The following STYXL1 variants were observed in gnomAD, a reference collection of about 807,000 sequenced individuals.
STYXL1 encodes the protein serine/threonine/tyrosine-interacting-like protein 1.
A neutral mutation model predicts 36.4 loss-of-function variants in STYXL1; 32 were observed. The ratio of observed to expected loss-of-function variants is 0.88; its 90% CI spans 0.66 to 1.18. STYXL1 has a LOEUF of 1.18. STYXL1 is among the 50% of genes most tolerant of loss of function. STYXL1 has a pLI of 0.00. For synonymous variants in STYXL1, 133 were observed against 144.1 expected (o/e 0.92, Z 0.55); for missense variants, 354 against 394.1 (o/e 0.90, Z 0.86).
Position 76,000,914 on chromosome 7 carries a change from C to T in STYXL1, c.786G>A (p.Met262Ile). The change falls in exon 8 of 9, where the codon ATG becomes ATA. Residue 262 changes from methionine (M) to isoleucine (I), a missense_variant. Transcript: ENST00000359697. ...CCTGCAAGGTCTGCTCGTTACTATGCATGAGGTAGGCTATGATGGCGGCAC... is the reference window on the plus strand; with the variant it reads ...CCTGCAAGGTCTGCTCGTTACTATGTATGAGGTAGGCTATGATGGCGGCAC... ...RSCAAIIAYL[M>I]HSNEQTLQRS... The T allele has an allele frequency of 6.2e-7, 1 of 1,614,178 alleles. No homozygotes were observed.
intron 7 of STYXL1, 25 bp from the exon 8 acceptor site, chr7:76,001,027 G>T: frequency 6.3e-7 from 1 of 1,583,308 alleles, no homozygotes; most frequent in Non-Finnish European, 8.7e-7. Flanking sequence ...GGGGGGTTGG[G>T]TCATGCCTGG....
At chr7:76,043,558 A>T (rs1796684754) in intron 1 of STYXL1, among the ~76,000 whole-genome samples, 1 of 152,028 alleles carries the variant, frequency 6.6e-6, no homozygotes, top group Admixed American at 6.6e-5. Flanking sequence ...AAGCAGCAAG[A>T]CTGAGATGGC....
intron 1 of STYXL1, among the ~76,000 whole-genome samples, chr7:76,039,267 G>C (rs1350608778): frequency 2.7e-5 from 4 of 149,066 alleles, no homozygotes; most frequent in Admixed American, 2.6e-4. Flanking sequence ...GTAGAGTCAG[G>C]GTTCCACTAT....
chr7:76,033,411 G>A (rs1795588239), intron 1 of STYXL1, among the ~76,000 whole-genome samples: 1 of 152,164 alleles, frequency 6.6e-6, no homozygotes, highest in Non-Finnish European at 1.5e-5. Flanking sequence ...CTCCCAAAGT[G>A]CTGGCATGAC....
intron 1 of STYXL1, among the ~76,000 whole-genome samples, chr7:76,034,017 G>A (rs782543508): frequency 3.3e-5 from 5 of 152,190 alleles, no homozygotes; most frequent in South Asian, 2.1e-4. Context: ...GGTGTATGTG[G>A]ATTCATGAAG....
chr7:76,008,600 C>G (rs1045744927), intron 5 of STYXL1, among the ~76,000 whole-genome samples: 1 of 152,202 alleles, frequency 6.6e-6, no homozygotes, highest in Non-Finnish European at 1.5e-5. Context: ...CATGACCCCC[C>G]ACTGCCTGCG....
At chr7:76,009,235 C>T (rs962201170) in intron 5 of STYXL1, among the ~76,000 whole-genome samples, 1 of 151,976 alleles carries the variant, frequency 6.6e-6, no homozygotes, top group Non-Finnish European at 1.5e-5. Flanking sequence ...GAACTGGGCA[C>T]ACTGCCTTCC....
chr7:76,001,108 CA>C, intron 7 of STYXL1, 106 bp from the exon 8 acceptor site: 1 of 823,328 alleles, frequency 1.2e-6, no homozygotes. Flanking sequence ...AGCATGAGTT[CA>C]AAACCAGCCC....
chr7:76,021,377 G>A (rs1415278550), intron 4 of STYXL1, among the ~76,000 whole-genome samples: 14 of 152,194 alleles, frequency 9.2e-5, no homozygotes, highest in Non-Finnish European at 1.6e-4. Context: ...CACCGCGCCC[G>A]GCCAAGAATA....
At chr7:76,042,338 C>T (rs1157265348) in intron 1 of STYXL1, among the ~76,000 whole-genome samples, 6 of 143,566 alleles carry the variant, frequency 4.2e-5, no homozygotes, top group Non-Finnish European at 9.0e-5. Context: ...GTTAAGGCCA[C>T]TGGCTGTGAG....
chr7:76,039,538 C>T (rs1001851460), intron 1 of STYXL1, among the ~76,000 whole-genome samples: 3 of 152,178 alleles, frequency 2.0e-5, no homozygotes, highest in Non-Finnish European at 2.9e-5. Flanking sequence ...TGTCTCTTAA[C>T]TCAGAGGGAC....
intron 3 of STYXL1, among the ~76,000 whole-genome samples, chr7:76,025,251 G>C (rs1794556123): frequency 6.6e-6 from 1 of 151,068 alleles, no homozygotes. Context: ...CAAGAGCCAA[G>C]AGTGCGCCAC....
intron 7 of STYXL1, among the ~76,000 whole-genome samples, chr7:76,003,341 T>C (rs1435659300): frequency 6.6e-6 from 1 of 152,168 alleles, no homozygotes; most frequent in Non-Finnish European, 1.5e-5. Context: ...GTAGTCTTCC[T>C]TCCATTCCAC....
At chr7:75,996,920 C>G (rs1554564310) in intron 8 of STYXL1, among the ~76,000 whole-genome samples, 1 of 152,220 alleles carries the variant, frequency 6.6e-6, no homozygotes, top group Non-Finnish European at 1.5e-5. Flanking sequence ...CTAGTGCAGT[C>G]TCAACAAAGG....
At chr7:76,021,758 C>A (rs1355294842) in intron 4 of STYXL1, 93 bp downstream of exon 4, 3 of 908,788 alleles carry the variant, frequency 3.3e-6, no homozygotes, top group South Asian at 1.4e-5. Context: ...TTGGCCTGTT[C>A]CCGTGCCATG....
Position 75,996,561 on chromosome 7 carries a change from CAT to C in STYXL1, c.847_848del (p.Met283ValfsTer?), listed in dbSNP as rs868978229. On this transcript the variant is annotated frameshift_variant, in exon 9 of 9. Coordinates refer to ENST00000359697, the MANE Select transcript of STYXL1 (RefSeq NM_001317785.2). LOFTEE classifies it high-confidence loss of function. ...WAYVKKCKNNMCPNRGLVSQL... is the reference protein window; with the variant it reads ...WAYVKKCKNNXCPNRGLVSQL... ...GGCTCACCAATCCCCGATTTGGACA[CAT>C]GTTGTTTTTGCACTTCTTGACATAG... 1.2e-6 allele frequency: 2 copies of C among 1,614,238 alleles called. No homozygotes were observed. The highest frequency in any genetic ancestry group is 1.7e-6 in the Non-Finnish European group (2 of 1,180,040).
At chr7:76,035,665 A>G (rs1353884565) in intron 1 of STYXL1, among the ~76,000 whole-genome samples, 3 of 149,780 alleles carry the variant, frequency 2.0e-5, no homozygotes, top group Non-Finnish European at 3.0e-5. Context: ...TGGTAAGTAT[A>G]GAGGAGAGAA....
intron 8 of STYXL1, among the ~76,000 whole-genome samples, chr7:75,997,395 C>T (rs113874308): frequency 6.6e-6 from 1 of 152,164 alleles, no homozygotes. Context: ...GATTGCACCA[C>T]TGCACTCCAG....
chr7:76,038,305 G>C (rs567457692), intron 1 of STYXL1, among the ~76,000 whole-genome samples: 1 of 149,744 alleles, frequency 6.7e-6, no homozygotes, highest in East Asian at 1.9e-4. Context: ...GAATGTGGGG[G>C]TGTTTGGTTC....
Sources: gnomAD v4.1 joint callset for allele counts (sites outside exome capture counted in the v4.1 genomes callset) on GRCh38, gnomAD v4.1.1 for gene constraint, MANE v1.5 for transcripts, NCBI Gene and HGNC (gene_info 2026-07-23, HGNC 2026-07-21) for gene names.